The following UPRT variants were observed in gnomAD, a reference collection of about 807,000 sequenced individuals.
UPRT encodes the protein RP11-311P8.3.
Under a neutral mutation model 22.6 loss-of-function variants are expected in UPRT, and 5 were observed. The observed-to-expected ratio is 0.22, with a 90% CI of 0.12 to 0.47. The LOEUF is 0.47. UPRT is among the 20% of genes least tolerant of loss of function. UPRT has a pLI of 0.99. For missense variants in UPRT, 181 were observed against 239.9 expected (o/e 0.75, Z 1.62); for synonymous variants, 77 against 87.7 (o/e 0.88, Z 0.68).
At chrX:75,278,128 A>G (rs760734683) in intron 1 of UPRT, among the ~76,000 whole-genome samples, 67 of 111,577 alleles carry the variant, frequency 6.0e-4, no homozygotes, top group Non-Finnish European at 1.0e-3. Context: ...ACTGGAGTAC[A>G]TATTTTTTCT....
chrX:75,293,880 G>A (rs1055343750), intron 2 of UPRT, among the ~76,000 whole-genome samples: 2 of 111,538 alleles, frequency 1.8e-5, no homozygotes, highest in Non-Finnish European at 3.8e-5. Context: ...GGTATCCAAC[G>A]AATGTACAAA....
At chrX:75,238,919 A>G (rs1200200309) in intron 4 of UPRT, among the ~76,000 whole-genome samples, 1 of 111,811 alleles carries the variant, frequency 8.9e-6, no homozygotes, top group Admixed American at 9.6e-5. Flanking sequence ...ACTGAACAAT[A>G]ATAGTGACAC....
chrX:75,202,873 C>T (rs920167095), intron 4 of UPRT: 11 of 111,999 alleles, frequency 9.8e-5, no homozygotes, highest in African/African-American at 3.2e-4. Context: ...ACCAATGACA[C>T]TATGAAGAGA....
chrX:75,171,651 G>GT (rs60258279), intron 4 of UPRT, among the ~76,000 whole-genome samples: 42 of 101,647 alleles, frequency 4.1e-4, no homozygotes, highest in African/African-American at 1.4e-3. Context: ...AAAGAAGGTT[G>GT]TTTTTTTTTT....
chrX:75,220,056 TC>T (rs1349448446), intron 4 of UPRT, among the ~76,000 whole-genome samples: 3 of 111,226 alleles, frequency 2.7e-5, no homozygotes, highest in Admixed American at 9.6e-5. Flanking sequence ...TCTCTTTAGC[TC>T]TAACAATATG....
At chrX:75,251,817 C>A (rs2082531169) in intron 4 of UPRT, among the ~76,000 whole-genome samples, 2 of 111,407 alleles carry the variant, frequency 1.8e-5, no homozygotes, top group Non-Finnish European at 3.8e-5. Context: ...AACTATACTA[C>A]AAGGCTACAG....
chrX:75,260,079 C>G (rs2082562692), intron 4 of UPRT, among the ~76,000 whole-genome samples: 1 of 111,859 alleles, frequency 8.9e-6, no homozygotes, highest in Admixed American at 9.5e-5. Flanking sequence ...CACCACCAGG[C>G]CTGCCTTACA....
chrX:75,205,469 G>A (rs1366409718), intron 4 of UPRT, among the ~76,000 whole-genome samples: 1 of 109,354 alleles, frequency 9.1e-6, no homozygotes. Context: ...TTCTGGATTG[G>A]CAACTTCTGG....
chrX:75,239,465 G>T (rs937252661), intron 4 of UPRT, among the ~76,000 whole-genome samples: 4 of 110,799 alleles, frequency 3.6e-5, no homozygotes, highest in East Asian at 2.8e-4. Context: ...AAAAAAAATT[G>T]CCAACAACAA....
chrX:75,247,890 T>A (rs753333228), intron 4 of UPRT, among the ~76,000 whole-genome samples: 27 of 111,644 alleles, frequency 2.4e-4, no homozygotes, highest in African/African-American at 8.8e-4. Flanking sequence ...AGAGGAACGA[T>A]CAGGCAGCAG....
chrX:75,245,930 C>T (rs187386250), intron 4 of UPRT, among the ~76,000 whole-genome samples: 1 of 111,198 alleles, frequency 9.0e-6, no homozygotes, highest in East Asian at 2.8e-4. Context: ...CACATGTACC[C>T]TTGAACCAAA....
chrX:75,175,806 T>A lies in UPRT; in HGVS notation c.-447+7927T>A, dbSNP rs1299474168. 2.7e-5 allele frequency among the ~76,000 whole-genome samples: 3 copies of A among 111,753 alleles called. No homozygotes were observed. In the East Asian group the frequency reaches 8.5e-4, roughly 32 times the overall value. On this transcript the variant is annotated intron_variant, in intron 4 of 13. Transcript: ENST00000652605. ...TTGGCCTGCTCCATTTTCTGACCTCTCTCAACCGTTTGTCTGAGGGCCATG... is the reference window on the plus strand; with the variant it reads ...TTGGCCTGCTCCATTTTCTGACCTCACTCAACCGTTTGTCTGAGGGCCATG...
At chrX:75,238,164 T>C (rs1193054050) in intron 4 of UPRT, among the ~76,000 whole-genome samples, 2 of 111,218 alleles carry the variant, frequency 1.8e-5, no homozygotes, top group African/African-American at 6.5e-5. Context: ...CCCTAAATGC[T>C]CTGCTTAAAA....
chrX:75,192,053 AT>A (rs1460941549), intron 4 of UPRT, among the ~76,000 whole-genome samples: 1 of 111,632 alleles, frequency 9.0e-6, no homozygotes, highest in African/African-American at 3.3e-5. Context: ...TGCGTCACTC[AT>A]GCTAGGAGCT....
intron 1 of UPRT, among the ~76,000 whole-genome samples, chrX:75,159,470 C>A (rs905515195): frequency 4.5e-5 from 5 of 111,763 alleles, no homozygotes; most frequent in Admixed American, 9.5e-5. Context: ...TGTACTTCAA[C>A]AATATGTACA....
intron 2 of UPRT, among the ~76,000 whole-genome samples, chrX:75,162,426 GCT>G (rs2082202787): frequency 8.9e-6 from 1 of 111,767 alleles, no homozygotes; most frequent in Non-Finnish European, 1.9e-5. Flanking sequence ...ATGTTTTTAA[GCT>G]CTCAGAACTC....
intron 4 of UPRT, among the ~76,000 whole-genome samples, chrX:75,186,784 C>A (rs1273043334): frequency 8.9e-6 from 1 of 111,844 alleles, no homozygotes; most frequent in Non-Finnish European, 1.9e-5. Flanking sequence ...TAATGGCCTT[C>A]TTTGTCTCTT....
At chrX:75,200,441 A>G (rs562271958) in intron 4 of UPRT, among the ~76,000 whole-genome samples, 4 of 111,613 alleles carry the variant, frequency 3.6e-5, no homozygotes, top group African/African-American at 1.3e-4. Context: ...CAAAAAATGC[A>G]AAAGTTAGCC....
At chrX:75,263,785 C>T (rs2082577143) in intron 4 of UPRT, among the ~76,000 whole-genome samples, 1 of 110,715 alleles carries the variant, frequency 9.0e-6, no homozygotes. Context: ...GCTCTTGCTT[C>T]TCTAGTTCTC....
Sources: gnomAD v4.1 joint callset for allele counts (sites outside exome capture counted in the v4.1 genomes callset) on GRCh38, gnomAD v4.1.1 for gene constraint, MANE v1.5 for transcripts, NCBI Gene and HGNC (gene_info 2026-07-23, HGNC 2026-07-21) for gene names.